Variants in SLC20A2 observed in about 807,000 individuals in gnomAD.
SLC20A2 encodes solute carrier family 20 member 2.
A neutral mutation model predicts 61.0 loss-of-function variants in SLC20A2; 30 were observed. The observed-to-expected ratio is 0.49, with a 90% CI of 0.37 to 0.67. The LOEUF (loss-of-function observed/expected upper bound fraction) is 0.67. SLC20A2 is among the 30% of genes least tolerant of loss of function. SLC20A2 has a pLI of 0.00. For synonymous variants in SLC20A2, 351 were observed against 353.3 expected (o/e 0.99, Z 0.07); for missense variants, 626 against 866.4 (o/e 0.72, Z 3.48).
chr8:42,522,900 A>C (rs1811670571), intron 1 of SLC20A2, among the ~76,000 whole-genome samples: 2 of 70,030 alleles, frequency 2.9e-5, no homozygotes, highest in African/African-American at 9.7e-5. Context: ...ATCTGTAGAG[A>C]TGGCGGGGTG....
At chr8:42,507,931 G>A (rs376527275) in intron 1 of SLC20A2, among the ~76,000 whole-genome samples, 7 of 152,140 alleles carry the variant, frequency 4.6e-5, no homozygotes, top group African/African-American at 7.2e-5. Context: ...AGGCTGAGGC[G>A]GGCGGATCAC....
chr8:42,484,673 G>C (rs913287238), intron 1 of SLC20A2: 1 of 367,208 alleles, frequency 2.7e-6, no homozygotes, highest in Non-Finnish European at 5.3e-6. Context: ...TCCCCTGACA[G>C]ATCCAATGTG....
At chr8:42,529,594 G>A (rs1039710443) in intron 1 of SLC20A2, among the ~76,000 whole-genome samples, 2 of 152,038 alleles carry the variant, frequency 1.3e-5, no homozygotes, top group African/African-American at 4.8e-5. Context: ...AACATAATAG[G>A]GAACCATGAA....
chr8:42,459,257 A>T lies in SLC20A2; in HGVS notation c.613+639T>A, dbSNP rs566813183. ...TCTCAAAAAAAAAAAAAAAAAAAAAAAACATAAAAAATAACAACAAAATCC... is the reference window on the plus strand; with the variant it reads ...TCTCAAAAAAAAAAAAAAAAAAAAATAACATAAAAAATAACAACAAAATCC... On this transcript the variant is annotated intron_variant, in intron 5 of 10. Coordinates refer to ENST00000520262, the MANE Select transcript of SLC20A2 (RefSeq NM_001257180.2). Among the ~76,000 whole-genome samples, 786 of 150,908 alleles carry T rather than the reference A, an allele frequency of 5.2e-3. 6 individuals are homozygous for T. Among genetic ancestry groups the T allele is most frequent in the African/African-American group, 0.018 (753 of 40,778 alleles).
chr8:42,529,405 G>A (rs1812191079), intron 1 of SLC20A2, among the ~76,000 whole-genome samples: 1 of 151,990 alleles, frequency 6.6e-6, no homozygotes, highest in African/African-American at 2.4e-5. Context: ...CATATTCTAT[G>A]AGTATATTAC....
At chr8:42,467,771 G>A (rs1014175403) in intron 2 of SLC20A2, among the ~76,000 whole-genome samples, 3 of 152,156 alleles carry the variant, frequency 2.0e-5, no homozygotes, top group Non-Finnish European at 2.9e-5. Flanking sequence ...CCATGGCAGC[G>A]CCAGGCCTAC....
Position 42,472,698 on chromosome 8 carries a change from C to T in SLC20A2, c.-264-44G>A, listed in dbSNP as rs983303940. ...AAAAGAAATCAATTATACTCAGCAA[C>T]CTGTAACAGTTTGTTCTTTCAGAAA... is the stretch of plus-strand genomic sequence containing the variant. On this transcript the variant is annotated intron_variant, in intron 1 of 10. Transcript: ENST00000520262. The surrounding 1 kb of genome is among the most constrained non-coding windows in gnomAD (Gnocchi z 4.1). 1 of 273,990 alleles carries T rather than the reference C, an allele frequency of 3.6e-6. No homozygotes were observed. The allele number at this position is 273,990 out of a possible 1,614,324, so 17.0% of individuals were successfully genotyped here. A position where few individuals can be genotyped will look rare whatever the true frequency, so the allele number is the denominator to read the frequency against.
Position 42,465,203 on chromosome 8 carries a change from A to G in SLC20A2, c.430+574T>C, listed in dbSNP as rs188343639. ...CTCCCTAGTAGCTGGGATTACAGGTACCTGCCATCATGCCCAGTTAATTTT... is the reference window on the plus strand; with the variant it reads ...CTCCCTAGTAGCTGGGATTACAGGTGCCTGCCATCATGCCCAGTTAATTTT... On this transcript the variant is annotated intron_variant, in intron 3 of 10. Transcript: ENST00000520262. Among the ~76,000 whole-genome samples the G allele has an allele frequency of 6.2e-3, 938 of 151,288 alleles. 5 individuals carry two copies. Among genetic ancestry groups the G allele is most frequent in the African/African-American group, 0.021 (882 of 41,372 alleles).
intron 1 of SLC20A2, among the ~76,000 whole-genome samples, chr8:42,506,960 A>G (rs1227462383): frequency 1.3e-5 from 2 of 152,124 alleles, no homozygotes; most frequent in Non-Finnish European, 2.9e-5. Context: ...CTTGCCTACT[A>G]CAAATGAGAA....
chr8:42,508,981 C>G (rs866621791), intron 1 of SLC20A2, among the ~76,000 whole-genome samples: 1 of 152,144 alleles, frequency 6.6e-6, no homozygotes, highest in Non-Finnish European at 1.5e-5. Flanking sequence ...TTGTCTTGGG[C>G]AATTACTTTC....
chr8:42,449,420 G>C (rs959237159), intron 5 of SLC20A2, among the ~76,000 whole-genome samples: 1 of 152,222 alleles, frequency 6.6e-6, no homozygotes, highest in Non-Finnish European at 1.5e-5. Context: ...CAAAAGATTA[G>C]ACGAATATTC....
intron 1 of SLC20A2, among the ~76,000 whole-genome samples, chr8:42,478,164 G>A (rs539223616): frequency 2.6e-5 from 4 of 151,120 alleles, no homozygotes; most frequent in Admixed American, 6.6e-5. Context: ...GATCACAGGT[G>A]TGAGCCACCA....
At chr8:42,510,669 CAG>C (rs1401812622) in intron 1 of SLC20A2, among the ~76,000 whole-genome samples, 1 of 152,052 alleles carries the variant, frequency 6.6e-6, no homozygotes, top group East Asian at 1.9e-4. Context: ...AGTCTTTTAA[CAG>C]AGCCATATTC....
At chr8:42,422,546 G>A (rs193040359) in intron 10 of SLC20A2, among the ~76,000 whole-genome samples, 1 of 152,152 alleles carries the variant, frequency 6.6e-6, no homozygotes. Flanking sequence ...AGTTGAGATC[G>A]TGTGAGAGCT....
chr8:42,435,028 C>T (rs147112922), intron 8 of SLC20A2, among the ~76,000 whole-genome samples: 26 of 152,226 alleles, frequency 1.7e-4, no homozygotes, highest in South Asian at 8.3e-4. Context: ...TTCTAATGGA[C>T]GAGGACCCAG....
chr8:42,514,761 A>C (rs1395585972), intron 1 of SLC20A2, among the ~76,000 whole-genome samples: 1 of 149,668 alleles, frequency 6.7e-6, no homozygotes, highest in Non-Finnish European at 1.5e-5. Context: ...CTGTTTGAAA[A>C]AAAAAAAGAA....
At chr8:42,428,960 G>T in intron 9 of SLC20A2, 118 bp from the exon 10 acceptor site, 1 of 736,662 alleles carries the variant, frequency 1.4e-6, no homozygotes, top group Non-Finnish European at 2.1e-6. Flanking sequence ...TGCTGACTGG[G>T]CAAGATCAAT....
chr8:42,434,909 TGTGA>T (rs199971449), intron 8 of SLC20A2, among the ~76,000 whole-genome samples: 4,644 of 152,198 alleles, frequency 0.031, 217 homozygotes, highest in African/African-American at 0.1. Flanking sequence ...TGAGTGCGCA[TGTGA>T]GTGTGTGTGC....
chr8:42,459,391 TTCCAGGGGTCTGTAC>T (rs1361348219), intron 5 of SLC20A2, among the ~76,000 whole-genome samples: 8 of 152,144 alleles, frequency 5.3e-5, no homozygotes, highest in Non-Finnish European at 1.2e-4. Flanking sequence ...GGTCTGATAT[TTCCAGGGGTCTGTAC>T]TCTGTGCTGT....
Sources: gnomAD v4.1 joint callset for allele counts (sites outside exome capture counted in the v4.1 genomes callset) on GRCh38, gnomAD v4.1.1 for gene constraint, Gnocchi (gnomAD v3.1) non-coding constraint, MANE v1.5 for transcripts, NCBI Gene and HGNC (gene_info 2026-07-23, HGNC 2026-07-21) for gene names.